Variants in KIAA1549 observed in about 807,000 individuals in gnomAD.
The protein encoded by KIAA1549 is UPF0606 protein KIAA1549.
KIAA1549 carries 70 observed loss-of-function variants against 156.4 expected under a neutral mutation model. The observed-to-expected ratio is 0.45, with a 90% CI of 0.37 to 0.55. The LOEUF (loss-of-function observed/expected upper bound fraction) is 0.55, where lower values mean the gene tolerates loss of function less well. KIAA1549 is among the 20% of genes least tolerant of loss of function. The pLI, the probability that KIAA1549 is intolerant of heterozygous loss-of-function variation, is 0.00. For missense variants in KIAA1549, 2,428 were observed against 2,540.9 expected (o/e 0.96, Z 0.96); for synonymous variants, 1,103 against 1,066.4 (o/e 1.03, Z -0.67).
chr7:138,926,814 A>T (rs947949266), intron 1 of KIAA1549, among the ~76,000 whole-genome samples: 4 of 151,684 alleles, frequency 2.6e-5, no homozygotes, highest in African/African-American at 9.7e-5. Context: ...ACTATTTATA[A>T]ATATATATAT....
intron 9 of KIAA1549, among the ~76,000 whole-genome samples, chr7:138,895,899 A>G (rs1811670377): frequency 6.6e-6 from 1 of 151,956 alleles, no homozygotes; most frequent in Admixed American, 6.6e-5. Flanking sequence ...TTAAGCTACC[A>G]GTTGTCCACT....
chr7:138,938,681 G>A (rs980090062), intron 1 of KIAA1549, among the ~76,000 whole-genome samples: 9 of 152,214 alleles, frequency 5.9e-5, no homozygotes, highest in Non-Finnish European at 1.3e-4. Context: ...TCCATGTAGA[G>A]TTCTATGCCT....
At chr7:138,933,123 G>A (rs1812918523) in intron 1 of KIAA1549, among the ~76,000 whole-genome samples, 1 of 152,158 alleles carries the variant, frequency 6.6e-6, no homozygotes, top group African/African-American at 2.4e-5. Context: ...GCTGACTAGT[G>A]AAGGGCAGAT....
chr7:138,896,220 C>T (rs1811680471), intron 9 of KIAA1549, among the ~76,000 whole-genome samples: 5 of 152,212 alleles, frequency 3.3e-5, no homozygotes, highest in Admixed American at 3.3e-4. Flanking sequence ...AAGTCTTATG[C>T]TCCTTTCATA....
chr7:138,961,419 AG>A (rs1296240302), intron 1 of KIAA1549, among the ~76,000 whole-genome samples: 1 of 151,956 alleles, frequency 6.6e-6, no homozygotes, highest in Non-Finnish European at 1.5e-5. Context: ...GGGCTGAGAG[AG>A]CTGCTTTGGG....
Position 138,832,355 on chromosome 7 carries a change from C to T in KIAA1549, c.*5551G>A, listed in dbSNP as rs1584973782. On this transcript the variant is annotated 3_prime_UTR_variant, in exon 20 of 20. Coordinates refer to ENST00000422774, the MANE Select transcript of KIAA1549 (RefSeq NM_001164665.2). ...GGGACTACTGGCACATGCCACCATGCTCAGCTAATTTTTAAATTTTTTTTG... is the reference window on the plus strand; with the variant it reads ...GGGACTACTGGCACATGCCACCATGTTCAGCTAATTTTTAAATTTTTTTTG... The T allele has an allele frequency of 3.1e-5, 6 of 194,434 alleles. No individual in the cohort carries two copies. The East Asian group carries it at 4.0e-4, about 13-fold the overall frequency. The allele number at this position is 194,434 out of a possible 1,614,324, so 12.0% of individuals were successfully genotyped here. A position where few individuals can be genotyped will look rare whatever the true frequency, so the allele number is the denominator to read the frequency against.
chr7:138,932,906 G>C lies in KIAA1549; in HGVS notation c.188-13468C>G, dbSNP rs370253793. 3.3e-5 allele frequency among the ~76,000 whole-genome samples: 5 copies of C among 152,306 alleles called. No homozygotes were observed. In the East Asian group the frequency reaches 9.6e-4, roughly 29 times the overall value. ...CATGGTGATATCAAGTATGCAAATG[G>C]ATAATCCGAGCCTGAGATAAACCTG... On this transcript the variant is annotated intron_variant, in intron 1 of 19. Transcript: ENST00000422774.
At chr7:138,890,115 AG>A (rs1225840875) in intron 10 of KIAA1549, among the ~76,000 whole-genome samples, 2 of 152,218 alleles carry the variant, frequency 1.3e-5, no homozygotes, top group Non-Finnish European at 2.9e-5. Context: ...CATATCACAG[AG>A]GGAACAGGCC....
In KIAA1549 at chr7:138,840,280, T is replaced by C; in HGVS notation, c.5453-2A>G. 2 of 1,600,426 alleles carry C rather than the reference T, an allele frequency of 1.2e-6. No homozygotes were observed. Among genetic ancestry groups the C allele is most frequent in the Non-Finnish European group, 1.7e-6 (2 of 1,173,768 alleles). On this transcript the variant is annotated splice_acceptor_variant, in intron 18 of 19. Coordinates refer to ENST00000422774, the MANE Select transcript of KIAA1549 (RefSeq NM_001164665.2). LOFTEE classifies it high-confidence loss of function. ...GTGTCAGGTGCTGGATCTGGGAGCC[T>C]GGAAGGAACATGGTGGAGTGGCCTG... is the stretch of plus-strand genomic sequence containing the variant.
intron 10 of KIAA1549, among the ~76,000 whole-genome samples, chr7:138,894,056 C>T (rs979290795): frequency 2.6e-5 from 4 of 152,164 alleles, no homozygotes; most frequent in African/African-American, 9.7e-5. Flanking sequence ...GGTGACAGAG[C>T]CAGACTCTGT....
intron 1 of KIAA1549, among the ~76,000 whole-genome samples, chr7:138,940,520 G>A (rs1343325160): frequency 2.4e-4 from 37 of 151,576 alleles, no homozygotes; most frequent in African/African-American, 8.7e-4. Flanking sequence ...AATCCTTTGG[G>A]TATATACCCA....
At chr7:138,968,319 G>A (rs527803350) in intron 1 of KIAA1549, among the ~76,000 whole-genome samples, 13 of 152,066 alleles carry the variant, frequency 8.5e-5, no homozygotes, top group Admixed American at 5.9e-4. Context: ...AAACCTGCAC[G>A]TCCTGCACAT....
At chr7:138,860,909 T>TGCAA (rs1810551947) in intron 16 of KIAA1549, among the ~76,000 whole-genome samples, 1 of 152,234 alleles carries the variant, frequency 6.6e-6, no homozygotes, top group South Asian at 2.1e-4. Context: ...CCTCCTGCCT[T>TGCAA]GGCCTCCTAA....
intron 16 of KIAA1549, among the ~76,000 whole-genome samples, chr7:138,856,527 G>C (rs1379203572): frequency 1.3e-5 from 2 of 152,070 alleles, no homozygotes; most frequent in Admixed American, 1.3e-4. Flanking sequence ...TAGTCTCTCT[G>C]TTTCTGACAA....
chr7:138,905,017 C>T lies in KIAA1549; in HGVS notation c.3520+5G>A. On this transcript the variant is annotated splice_donor_5th_base_variant and intron_variant, in intron 7 of 19. Coordinates refer to ENST00000422774, the MANE Select transcript of KIAA1549 (RefSeq NM_001164665.2). Reference sequence around the variant, plus strand: ...TTCCCAAAATATTACATAAGTTAAACATACCTGTTCTGACCCAAGAGGACT... The same window carrying T: ...TTCCCAAAATATTACATAAGTTAAATATACCTGTTCTGACCCAAGAGGACT... The T allele has an allele frequency of 6.5e-7, 1 of 1,548,642 alleles. No individual in the cohort carries two copies. Among genetic ancestry groups the T allele is most frequent in the Non-Finnish European group, 8.8e-7 (1 of 1,138,470 alleles).
At chr7:138,841,844 C>A (rs1211018166) in intron 18 of KIAA1549, among the ~76,000 whole-genome samples, 2 of 150,994 alleles carry the variant, frequency 1.3e-5, no homozygotes, top group Admixed American at 1.3e-4. Flanking sequence ...GGGATTATAG[C>A]TGTGAGCTAT....
In KIAA1549 at chr7:138,950,730, G is replaced by A. The variant is rs191744522; in HGVS notation, c.187+30353C>T. Among the ~76,000 whole-genome samples the A allele has an allele frequency of 2.9e-4, 44 of 152,258 alleles. No individual in the cohort carries two copies. In the East Asian group the frequency reaches 4.3e-3, roughly 15 times the overall value. On this transcript the variant is annotated intron_variant, in intron 1 of 19. Coordinates refer to ENST00000422774, the MANE Select transcript of KIAA1549 (RefSeq NM_001164665.2). Reference sequence around the variant, plus strand: ...GGCCCGCCAGCTCTGGCCCAATCCTGCATGTATGTCTTGGTATGGGGGTTC... The same window carrying A: ...GGCCCGCCAGCTCTGGCCCAATCCTACATGTATGTCTTGGTATGGGGGTTC...
chr7:138,851,577 T>C (rs1810233954), intron 17 of KIAA1549, among the ~76,000 whole-genome samples: 1 of 150,242 alleles, frequency 6.7e-6, no homozygotes, highest in East Asian at 2.0e-4. Flanking sequence ...TGTGGGGGTG[T>C]GTGTGGAAGG....
At position 138,954,958 on chromosome 7, in the gene KIAA1549, G is replaced by A. The variant is rs535184841; in HGVS notation, c.187+26125C>T. Among the ~76,000 whole-genome samples, 19 of 152,270 alleles carry A rather than the reference G, an allele frequency of 1.2e-4. 3 individuals carry two copies. The highest frequency in any genetic ancestry group is 4.3e-4 in the African/African-American group (18 of 41,558). On this transcript the variant is annotated intron_variant, in intron 1 of 19. Transcript: ENST00000422774. ...CATCCTGGGGCAAGCAAGCCACACC[G>A]CCCAAGAGGCTGCTGGCACCACAGA...
Sources: allele counts gnomAD v4.1 joint callset (sites outside exome capture counted in the v4.1 genomes callset), GRCh38; gene constraint gnomAD v4.1.1; transcripts MANE v1.5; gene names NCBI Gene and HGNC (gene_info 2026-07-23, HGNC 2026-07-21).